Variants in PEPD observed in about 807,000 individuals in gnomAD.
PEPD encodes xaa-Pro dipeptidase.
Under a neutral mutation model 60.7 loss-of-function variants are expected in PEPD, and 53 were observed. That is an observed-to-expected ratio of 0.87 (90% CI 0.70 to 1.10). The LOEUF (loss-of-function observed/expected upper bound fraction) is 1.10, where lower values mean the gene tolerates loss of function less well. PEPD is among the 50% of genes least tolerant of loss of function. The pLI, the probability that PEPD is intolerant of heterozygous loss-of-function variation, is 0.00. For synonymous variants in PEPD, 267 were observed against 284.1 expected (o/e 0.94, Z 0.60); for missense variants, 711 against 711.9 (o/e 1.00, Z 0.01).
chr19:33,515,301 T>C (rs1332841357), intron 1 of PEPD, among the ~76,000 whole-genome samples: 4 of 152,052 alleles, frequency 2.6e-5, no homozygotes, highest in Non-Finnish European at 4.4e-5. Context: ...CAGCCGCACA[T>C]GCTGACATGA....
At chr19:33,483,806 CCCAGTCTCTTTAAAAAAG>C (rs1970351617) in intron 6 of PEPD, among the ~76,000 whole-genome samples, 1 of 151,952 alleles carries the variant, frequency 6.6e-6, no homozygotes, top group African/African-American at 2.4e-5. Flanking sequence ...GTGACTCTTG[CCCAGTCTCTTTAAAAAAG>C]CCTGTCTCTT....
chr19:33,448,620 GAGA>G lies in PEPD; in HGVS notation c.671+14372_671+14374del, dbSNP rs1258336298. 3.3e-5 allele frequency among the ~76,000 whole-genome samples: 5 copies of G among 152,092 alleles called. No individual in the cohort carries two copies. In the East Asian group the frequency reaches 9.7e-4, roughly 29 times the overall value. On this transcript the variant is annotated intron_variant, in intron 9 of 14. Transcript: ENST00000244137. ...TCTCTTTTGATAGAGATGCTGGTAT[GAGA>G]AGGCTTTCTCATTTATGAAAGAACC...
intron 9 of PEPD, among the ~76,000 whole-genome samples, chr19:33,448,518 GA>G (rs904634908): frequency 6.6e-6 from 1 of 151,170 alleles, no homozygotes; most frequent in Non-Finnish European, 1.5e-5. Context: ...ATGCAAAACA[GA>G]AAAAAAAGTC....
At chr19:33,456,913 G>C (rs757585142) in intron 9 of PEPD, among the ~76,000 whole-genome samples, 1 of 151,648 alleles carries the variant, frequency 6.6e-6, no homozygotes. Flanking sequence ...GGAGGAAGAC[G>C]GGGACCTCCT....
chr19:33,509,135 C>T (rs1453805830), intron 3 of PEPD, among the ~76,000 whole-genome samples: 2 of 152,230 alleles, frequency 1.3e-5, no homozygotes, highest in Non-Finnish European at 2.9e-5. Context: ...TGTAACAGGG[C>T]AGTCATAAGG....
intron 4 of PEPD, among the ~76,000 whole-genome samples, chr19:33,500,052 T>A (rs1233049451): frequency 6.6e-6 from 1 of 152,234 alleles, no homozygotes; most frequent in African/African-American, 2.4e-5. Context: ...GCTCTTAGCA[T>A]GGCCGACACA....
In PEPD at chr19:33,412,081, C is replaced by T. The variant is rs558386120; in HGVS notation, c.741-332G>A. On this transcript the variant is annotated intron_variant, in intron 10 of 14. Coordinates refer to ENST00000244137, the MANE Select transcript of PEPD (RefSeq NM_000285.4). ...GCAATGGGCCGGGTGTGGTGGCTCA[C>T]GCCTGTCATGCCAGCACTTTGGGAG... Among the ~76,000 whole-genome samples the T allele has an allele frequency of 1.5e-3, 228 of 152,340 alleles. 2 individuals carry two copies. Among genetic ancestry groups the T allele is most frequent in the African/African-American group, 5.2e-3 (216 of 41,592 alleles).
chr19:33,444,344 G>A (rs1223614025), intron 9 of PEPD, among the ~76,000 whole-genome samples: 1 of 152,134 alleles, frequency 6.6e-6, no homozygotes, highest in Non-Finnish European at 1.5e-5. Flanking sequence ...AGCATAGGCT[G>A]TGGGCAGAGC....
intron 9 of PEPD, among the ~76,000 whole-genome samples, chr19:33,454,586 A>G (rs1318919888): frequency 6.6e-6 from 1 of 151,792 alleles, no homozygotes; most frequent in Non-Finnish European, 1.5e-5. Flanking sequence ...TCGGTGATGG[A>G]GCGAGACTCT....
intron 12 of PEPD, 94 bp from the exon 13 acceptor site, chr19:33,391,573 G>T (rs1968222652): frequency 2.6e-6 from 3 of 1,161,922 alleles, no homozygotes; most frequent in Middle Eastern, 2.7e-4. Flanking sequence ...CACACTGGCT[G>T]TGGTGGGAGG....
At chr19:33,464,847 C>A (rs979960807) in intron 7 of PEPD, among the ~76,000 whole-genome samples, 48 of 152,126 alleles carry the variant, frequency 3.2e-4, no homozygotes, top group African/African-American at 1.1e-3. Context: ...GCGAGTAAGA[C>A]CCACAGAGAG....
rs1281334994 is a variant in PEPD at position 33,387,955 on chromosome 19, C to G, written c.1279G>C (p.Ala427Pro). Residue 427 changes from alanine (A) to proline (P), a missense_variant, in exon 14 of 15, where the codon GCG (alanine) becomes CCG (proline). Coordinates refer to ENST00000244137, the MANE Select transcript of PEPD (RefSeq NM_000285.4). ...AGGAAGGAGGCGCGGGCCGGGTCCGCCAGGGCCTCATCCAGGAGGTGGTCG... is the reference window on the plus strand; with the variant it reads ...AGGAAGGAGGCGCGGGCCGGGTCCGGCAGGGCCTCATCCAGGAGGTGGTCG... ...FIDHLLDEAL[A>P]DPARASFLNR... 1.3e-6 allele frequency: 2 copies of G among 1,597,446 alleles called. No individual in the cohort carries two copies. Among genetic ancestry groups the G allele is most frequent in the Non-Finnish European group, 8.5e-7 (1 of 1,172,864 alleles).
chr19:33,495,668 C>A (rs1220831168), intron 4 of PEPD, among the ~76,000 whole-genome samples: 1 of 151,878 alleles, frequency 6.6e-6, no homozygotes, highest in Non-Finnish European at 1.5e-5. Context: ...TGGCTGTGTC[C>A]TTTGGCCTCA....
intron 7 of PEPD, among the ~76,000 whole-genome samples, chr19:33,467,421 G>A (rs1970042030): frequency 6.6e-6 from 1 of 151,942 alleles, no homozygotes; most frequent in Non-Finnish European, 1.5e-5. Flanking sequence ...AAATGCAATG[G>A]AAATATTACA....
At chr19:33,448,706 C>T (rs945860432) in intron 9 of PEPD, among the ~76,000 whole-genome samples, 4 of 152,096 alleles carry the variant, frequency 2.6e-5, no homozygotes, top group Non-Finnish European at 4.4e-5. Flanking sequence ...TGACGGGGAG[C>T]GGTGGGGCCT....
At chr19:33,425,838 C>T (rs1297085186) in intron 9 of PEPD, among the ~76,000 whole-genome samples, 1 of 152,176 alleles carries the variant, frequency 6.6e-6, no homozygotes, top group Non-Finnish European at 1.5e-5. Context: ...CCTGGTTTTT[C>T]GTTCTTGGGC....
At chr19:33,491,243 T>C (rs914217339) in intron 5 of PEPD, among the ~76,000 whole-genome samples, 7 of 151,562 alleles carry the variant, frequency 4.6e-5, no homozygotes, top group African/African-American at 9.7e-5. Flanking sequence ...TCACCTGAGG[T>C]TGGGAGTTTG....
At chr19:33,498,726 CT>C (rs1442227716) in intron 4 of PEPD, among the ~76,000 whole-genome samples, 19 of 152,014 alleles carry the variant, frequency 1.2e-4, no homozygotes, top group Admixed American at 6.5e-4. Context: ...CGCCACAGTC[CT>C]TGAGACAGGG....
intron 9 of PEPD, among the ~76,000 whole-genome samples, chr19:33,418,657 G>A (rs1394819350): frequency 1.3e-5 from 2 of 152,220 alleles, no homozygotes; most frequent in African/African-American, 4.8e-5. Context: ...TCCCAGGCAG[G>A]TCCTGGCTCT....
Sources: allele counts gnomAD v4.1 joint callset (sites outside exome capture counted in the v4.1 genomes callset), GRCh38; gene constraint gnomAD v4.1.1; transcripts MANE v1.5; gene names NCBI Gene and HGNC (gene_info 2026-07-23, HGNC 2026-07-21).